RBL1: variants seen among roughly 807,000 people sequenced by gnomAD.
The protein encoded by RBL1 is retinoblastoma-like protein 1.
RBL1 carries 82 observed loss-of-function variants against 123.0 expected under a neutral mutation model. The ratio of observed to expected loss-of-function variants is 0.67; its 90% confidence interval spans 0.56 to 0.80. RBL1 has a LOEUF of 0.80. RBL1 is among the 30% of genes least tolerant of loss of function. The pLI is 0.00. For synonymous variants in RBL1, 405 were observed against 441.3 expected (o/e 0.92, Z 1.03); for missense variants, 1,171 against 1,299.6 (o/e 0.90, Z 1.52).
intron 13 of RBL1, 94 bp downstream of exon 13, chr20:37,043,992 G>T: frequency 4.0e-6 from 4 of 1,005,482 alleles, no homozygotes; most frequent in Non-Finnish European, 5.6e-6. Context: ...ACTTAAAATG[G>T]GTGAACTCTA....
chr20:37,072,391 C>T (rs1473969325), intron 2 of RBL1, among the ~76,000 whole-genome samples: 1 of 152,020 alleles, frequency 6.6e-6, no homozygotes, highest in East Asian at 1.9e-4. Context: ...TTGCTTGAAC[C>T]CGGGAGGTGG....
intron 19 of RBL1, among the ~76,000 whole-genome samples, chr20:37,007,884 C>A (rs930929944): frequency 2.0e-5 from 3 of 152,086 alleles, no homozygotes; most frequent in African/African-American, 7.2e-5. Flanking sequence ...AGCCACCATG[C>A]CCAGCCACAA....
intron 6 of RBL1, 108 bp from the exon 7 acceptor site, chr20:37,065,581 C>A: frequency 4.6e-6 from 3 of 658,218 alleles, no homozygotes; most frequent in South Asian, 2.4e-5. Context: ...ACACACAAAA[C>A]AGAATTATTA....
chr20:37,004,966 C>T (rs560385858), intron 20 of RBL1, among the ~76,000 whole-genome samples: 4 of 151,822 alleles, frequency 2.6e-5, no homozygotes, highest in East Asian at 1.9e-4. Flanking sequence ...TGTTTGAACC[C>T]GGGGACAGAG....
intron 21 of RBL1, among the ~76,000 whole-genome samples, chr20:37,001,938 A>C (rs1470069594): frequency 6.6e-6 from 1 of 151,078 alleles, no homozygotes; most frequent in Non-Finnish European, 1.5e-5. Context: ...AAAAAAAAAA[A>C]AAAACAAACC....
At chr20:37,026,758 T>C (rs1301730203) in intron 16 of RBL1, among the ~76,000 whole-genome samples, 2 of 148,612 alleles carry the variant, frequency 1.3e-5, no homozygotes, top group Non-Finnish European at 3.0e-5. Context: ...GTAATACTAG[T>C]ACTTTGGGAG....
At chr20:37,048,980 T>C (rs889572516) in intron 11 of RBL1, among the ~76,000 whole-genome samples, 1 of 150,244 alleles carries the variant, frequency 6.7e-6, no homozygotes, top group Non-Finnish European at 1.5e-5. Context: ...GGGGGGTGGA[T>C]TACCTGAGGT....
At chr20:37,011,057 G>A (rs2064141539) in intron 19 of RBL1, among the ~76,000 whole-genome samples, 1 of 151,770 alleles carries the variant, frequency 6.6e-6, no homozygotes, top group African/African-American at 2.4e-5. Context: ...CGGGCTCAAG[G>A]GATCCTCCTG....
intron 1 of RBL1, 82 bp from the exon 2 acceptor site, chr20:37,089,204 T>C: frequency 7.4e-7 from 1 of 1,345,144 alleles, no homozygotes; most frequent in Admixed American, 2.4e-5. Flanking sequence ...GATGTAGAAT[T>C]ATCTGGTCTC....
At chr20:37,031,924 T>A (rs2064519859) in intron 16 of RBL1, among the ~76,000 whole-genome samples, 1 of 149,904 alleles carries the variant, frequency 6.7e-6, no homozygotes, top group East Asian at 1.9e-4. Flanking sequence ...TTTTTTTTTT[T>A]TAAAATAGAG....
chr20:37,042,021 C>T (rs527529832), intron 13 of RBL1, among the ~76,000 whole-genome samples: 9 of 143,046 alleles, frequency 6.3e-5, no homozygotes, highest in African/African-American at 1.5e-4. Context: ...TGCAGTGAGC[C>T]GAGATCACGC....
At chr20:37,048,350 G>T (rs1191934879) in intron 11 of RBL1, among the ~76,000 whole-genome samples, 24 of 152,224 alleles carry the variant, frequency 1.6e-4, no homozygotes, top group Non-Finnish European at 2.9e-5. Flanking sequence ...GGAATCTACA[G>T]GATTATTCTC....
intron 2 of RBL1, among the ~76,000 whole-genome samples, chr20:37,088,280 AAGAG>A (rs1332754434): frequency 2.0e-5 from 3 of 151,526 alleles, no homozygotes; most frequent in East Asian, 3.9e-4. Context: ...AAAAAAAAAA[AAGAG>A]AGAGAGAGAA....
chr20:37,049,463 A>G (rs761047917), intron 11 of RBL1: 5 of 754,574 alleles, frequency 6.6e-6, no homozygotes, highest in Non-Finnish European at 1.2e-5. Flanking sequence ...TTGAGACTTC[A>G]TGGTGGTGCT....
chr20:37,020,667 T>C lies in RBL1; in HGVS notation c.2623A>G (p.Asn875Asp). The change falls in exon 18 of 22, where the codon AAT becomes GAT. Residue 875 changes from asparagine to aspartate, a missense_variant. Coordinates refer to ENST00000373664, the MANE Select transcript of RBL1 (RefSeq NM_002895.5). The part of the protein sequence containing the change: ...MKSYRNQPQA[N>D]SHVYRSVLLK... ...AAAATAATGTAACTCACGTGACTAT[T>C]AGCTTGGGGCTGATTCCTATAACTT... The C allele has an allele frequency of 6.3e-7, 1 of 1,581,226 alleles. No individual in the cohort carries two copies. The highest frequency in any genetic ancestry group is 8.6e-7 in the Non-Finnish European group (1 of 1,160,198).
Position 37,003,852 on chromosome 20 carries a change from T to G in RBL1, c.2886A>C (p.Pro962=). ...GTTTAATATGTGGAAAAGGAGAGAG[T>G]GGTGGAGCATCCATCTAAAATAACC... ...ANQDHMMDAP[P]LSPFPHIKQQ... The change falls in exon 21 of 22, where the codon CCA becomes CCC. Residue 962 remains proline, a synonymous_variant. Transcript: ENST00000373664. 1 of 1,605,928 alleles carries G rather than the reference T, an allele frequency of 6.2e-7. No homozygotes were observed. Among genetic ancestry groups the G allele is most frequent in the Non-Finnish European group, 8.5e-7 (1 of 1,177,166 alleles).
chr20:37,015,736 G>GT (rs1308636950), intron 19 of RBL1, among the ~76,000 whole-genome samples: 1 of 137,508 alleles, frequency 7.3e-6, no homozygotes, highest in African/African-American at 2.7e-5. Flanking sequence ...GGGCTTGTTT[G>GT]TTTTTTTGAG....
chr20:37,047,730 G>A (rs529381644), intron 11 of RBL1, among the ~76,000 whole-genome samples: 74 of 151,860 alleles, frequency 4.9e-4, no homozygotes, highest in Non-Finnish European at 8.8e-4. Context: ...CTGTAATCTC[G>A]GCACTTTGGG....
In RBL1 at chr20:37,055,652, A is replaced by G. The variant is rs1377768448; in HGVS notation, c.1368T>C (p.Phe456=). Residue 456 remains phenylalanine (F), a synonymous_variant, in exon 11 of 22, where the codon TTT becomes TTC. Coordinates refer to ENST00000373664, the MANE Select transcript of RBL1 (RefSeq NM_002895.5). ...CTGCCAGCTTTAGTCTGTTTACAGCAAAGTCTATCAGGGAAATACAGAGAA... is the reference window on the plus strand; with the variant it reads ...CTGCCAGCTTTAGTCTGTTTACAGCGAAGTCTATCAGGGAAATACAGAGAA... ...TDEQPGSHID[F]AVNRLKLAEI... is the part of the protein sequence containing the mutation. 1.9e-6 allele frequency: 3 copies of G among 1,608,244 alleles called. No individual in the cohort carries two copies. The highest frequency in any genetic ancestry group is 1.7e-5 in the Admixed American group (1 of 58,708).
Sources: gnomAD v4.1 joint callset for allele counts (sites outside exome capture counted in the v4.1 genomes callset) on GRCh38, gnomAD v4.1.1 for gene constraint, MANE v1.5 for transcripts, NCBI Gene and HGNC (gene_info 2026-07-23, HGNC 2026-07-21) for gene names.